Variants in TBC1D22A observed in about 807,000 individuals in gnomAD.
The protein encoded by TBC1D22A is TBC1 domain family member 22A, also known as putative GTPase activator.
A neutral mutation model predicts 60.2 loss-of-function variants in TBC1D22A; 38 were observed. That is an observed-to-expected ratio of 0.63 (90% CI 0.49 to 0.83). The LOEUF is 0.83. Ranked by LOEUF, TBC1D22A falls within the 40% of genes least tolerant of loss-of-function variation. The pLI is 0.00. For synonymous variants in TBC1D22A, 302 were observed against 281.7 expected, an observed-to-expected ratio of 1.07 and a Z score of -0.72; for missense variants, 628 against 701.0, an observed-to-expected ratio of 0.90 and a Z score of 1.18.
chr22:47,159,176 C>T (rs1389918652), intron 12 of TBC1D22A, among the ~76,000 whole-genome samples: 1 of 150,886 alleles, frequency 6.6e-6, no homozygotes, highest in Admixed American at 6.6e-5. Flanking sequence ...GCGGATACTA[C>T]ACACACAACA....
intron 11 of TBC1D22A, among the ~76,000 whole-genome samples, chr22:47,040,091 C>A (rs897670680): frequency 9.9e-5 from 15 of 151,822 alleles, no homozygotes; most frequent in African/African-American, 3.6e-4. Flanking sequence ...ACTACAGGTG[C>A]CCGCCACCAC....
At chr22:46,986,868 C>T (rs373225296) in intron 9 of TBC1D22A, among the ~76,000 whole-genome samples, 6 of 152,234 alleles carry the variant, frequency 3.9e-5, no homozygotes, top group East Asian at 1.9e-4. Flanking sequence ...ATGGTGTGGA[C>T]GGCTGATTTG....
At chr22:46,902,365 T>C (rs2069059906) in intron 7 of TBC1D22A, among the ~76,000 whole-genome samples, 1 of 152,252 alleles carries the variant, frequency 6.6e-6, no homozygotes, top group African/African-American at 2.4e-5. Flanking sequence ...GTTTAAAGTT[T>C]GTACTACTTT....
chr22:46,940,329 C>T (rs1317869570), intron 8 of TBC1D22A, among the ~76,000 whole-genome samples: 7 of 152,178 alleles, frequency 4.6e-5, no homozygotes, highest in Admixed American at 1.3e-4. Context: ...AATACAACAA[C>T]GTGCATGAGT....
At chr22:46,956,692 G>A (rs2073213060) in intron 8 of TBC1D22A, among the ~76,000 whole-genome samples, 1 of 152,178 alleles carries the variant, frequency 6.6e-6, no homozygotes, top group African/African-American at 2.4e-5. Context: ...GTGGTCCGCC[G>A]TCTGTGGGGC....
chr22:47,100,319 A>G (rs2065364633), intron 11 of TBC1D22A, among the ~76,000 whole-genome samples: 1 of 151,718 alleles, frequency 6.6e-6, no homozygotes, highest in Non-Finnish European at 1.5e-5. Flanking sequence ...GGGAATAGGA[A>G]TGAGGCCTTT....
chr22:47,064,570 G>A (rs1468351579), intron 11 of TBC1D22A, among the ~76,000 whole-genome samples: 1 of 152,212 alleles, frequency 6.6e-6, no homozygotes, highest in Non-Finnish European at 1.5e-5. Context: ...GTGGCTTTAA[G>A]GCCAAGCTGG....
At chr22:46,968,978 G>A (rs1263259879) in intron 8 of TBC1D22A, among the ~76,000 whole-genome samples, 1 of 152,156 alleles carries the variant, frequency 6.6e-6, no homozygotes, top group African/African-American at 2.4e-5. Flanking sequence ...GACTGGTGGA[G>A]TCTCAGGCTG....
Position 47,037,117 on chromosome 22 carries a change from G to T in TBC1D22A, c.1248G>T (p.Gln416His), listed in dbSNP as rs2062681790. 6.2e-7 allele frequency: 1 copy of T among 1,613,908 alleles called. No individual in the cohort carries two copies. The highest frequency in any genetic ancestry group is 1.7e-5 in the Admixed American group (1 of 60,006). The change falls in exon 11 of 13, where the codon CAG becomes CAT. Residue 416 changes from glutamine (Q) to histidine (H), a missense_variant. Gln to His is a conservative substitution (Grantham distance 24). Transcript: ENST00000337137. ...HLDQHEVRYL[Q>H]FAFRWMNNLL... Reference sequence around the variant, plus strand: ...ACCAACACGAAGTGAGATACCTGCAGTTTGCCTTCCGCTGGATGAACAACC... The same window carrying T: ...ACCAACACGAAGTGAGATACCTGCATTTTGCCTTCCGCTGGATGAACAACC...
At position 46,766,532 on chromosome 22, in the gene TBC1D22A, A is replaced by G. The variant is rs114304981; in HGVS notation, c.62+3684A>G. Among the ~76,000 whole-genome samples, 538 of 152,082 alleles carry G rather than the reference A, an allele frequency of 3.5e-3. 5 individuals are homozygous for G. Among genetic ancestry groups the G allele is most frequent in the African/African-American group, 0.012 (508 of 41,462 alleles). The stretch of plus-strand genomic sequence containing the variant: ...AAGACTAGTAAGGGATCTTTCAGAT[A>G]GTTCAACTCTTTTTTATTTTTGAGA... On this transcript the variant is annotated intron_variant, in intron 1 of 12. Coordinates refer to ENST00000337137, the MANE Select transcript of TBC1D22A (RefSeq NM_014346.5).
chr22:46,926,843 CTCTT>C (rs1236837086), intron 8 of TBC1D22A, among the ~76,000 whole-genome samples: 1 of 152,174 alleles, frequency 6.6e-6, no homozygotes, highest in Admixed American at 6.5e-5. Flanking sequence ...AAATAAGTCT[CTCTT>C]TGAGACTGAA....
At chr22:46,770,985 T>C (rs2083462018) in intron 1 of TBC1D22A, among the ~76,000 whole-genome samples, 1 of 152,202 alleles carries the variant, frequency 6.6e-6, no homozygotes, top group African/African-American at 2.4e-5. Flanking sequence ...GATTTTGCTG[T>C]AGGTGCAGTT....
chr22:47,034,802 G>A (rs1413640528), intron 10 of TBC1D22A, among the ~76,000 whole-genome samples: 1 of 152,240 alleles, frequency 6.6e-6, no homozygotes, highest in Non-Finnish European at 1.5e-5. Flanking sequence ...AACTGATGAC[G>A]ATAATTGACT....
chr22:47,069,152 A>G (rs1002557684), intron 11 of TBC1D22A, among the ~76,000 whole-genome samples: 1 of 152,252 alleles, frequency 6.6e-6, no homozygotes, highest in African/African-American at 2.4e-5. Flanking sequence ...GCAAAATCTA[A>G]TAATACCACA....
chr22:46,997,738 CTG>C, intron 10 of TBC1D22A, 29 bp downstream of exon 10: 1 of 1,609,402 alleles, frequency 6.2e-7, no homozygotes. Context: ...CAGCCCCTCT[CTG>C]TGGGCGGGGG....
At position 46,885,076 on chromosome 22, in the gene TBC1D22A, C is replaced by T. The variant is rs148391460; in HGVS notation, c.709-6190C>T. 1.1e-3 allele frequency among the ~76,000 whole-genome samples: 168 copies of T among 152,306 alleles called. 2 individuals carry two copies. Among genetic ancestry groups the T allele is most frequent in the African/African-American group, 3.9e-3 (162 of 41,570 alleles). On this transcript the variant is annotated intron_variant, in intron 5 of 12. Coordinates refer to ENST00000337137, the MANE Select transcript of TBC1D22A (RefSeq NM_014346.5). ...TAGAGCCAGCGTGTGGAGAAAGGAC[C>T]GTGGGGTCTTTGTCCACCCACTGAT...
intron 8 of TBC1D22A, among the ~76,000 whole-genome samples, chr22:46,912,706 G>A (rs547045882): frequency 6.6e-5 from 10 of 152,304 alleles, no homozygotes; most frequent in African/African-American, 1.9e-4. Flanking sequence ...ACGGGCATGC[G>A]CCACCATGCC....
chr22:47,070,206 CCT>C (rs974080693), intron 11 of TBC1D22A, among the ~76,000 whole-genome samples: 2 of 149,454 alleles, frequency 1.3e-5, no homozygotes, highest in African/African-American at 2.5e-5. Context: ...GACGCTGTCC[CCT>C]GTTGTTTGGT....
chr22:47,052,317 C>G (rs2063252202), intron 11 of TBC1D22A, among the ~76,000 whole-genome samples: 1 of 152,216 alleles, frequency 6.6e-6, no homozygotes, highest in Non-Finnish European at 1.5e-5. Context: ...GGCCATGCGG[C>G]CTGTGTGGCC....
Sources: allele counts gnomAD v4.1 joint callset (sites outside exome capture counted in the v4.1 genomes callset), GRCh38; gene constraint gnomAD v4.1.1; transcripts MANE v1.5; gene names NCBI Gene and HGNC (gene_info 2026-07-23, HGNC 2026-07-21).